FGF13: variants seen among roughly 807,000 people sequenced by gnomAD.
The protein encoded by FGF13 is fibroblast growth factor 13, also known as fibroblast growth factor homologous factor 2.
A neutral mutation model predicts 19.5 loss-of-function variants in FGF13; 2 were observed. The observed-to-expected ratio is 0.10, with a 90% CI of 0.04 to 0.32. The LOEUF (loss-of-function observed/expected upper bound fraction) is 0.32, where lower values mean the gene tolerates loss of function less well. Ranked by LOEUF, FGF13 falls within the 10% of genes least tolerant of loss-of-function variation. FGF13 has a pLI of 1.00. For missense variants in FGF13, 113 were observed against 192.7 expected, an observed-to-expected ratio of 0.59 and a Z score of 2.45; for synonymous variants, 72 against 76.9, an observed-to-expected ratio of 0.94 and a Z score of 0.33.
intron 1 of FGF13, among the ~76,000 whole-genome samples, chrX:139,182,041 A>G (rs1213470753): frequency 1.2e-5 from 1 of 81,835 alleles, no homozygotes; most frequent in African/African-American, 5.2e-5. Flanking sequence ...AATCTTCATA[A>G]TAAGAACTTA....
intron 1 of FGF13, among the ~76,000 whole-genome samples, chrX:138,981,663 G>A (rs1292980888): frequency 9.0e-6 from 1 of 110,581 alleles, no homozygotes; most frequent in African/African-American, 3.3e-5. Flanking sequence ...AGTTCACAGA[G>A]AGGTAAAAAT....
Position 139,095,095 on chromosome X carries a change from G to A in FGF13, c.-113+108321C>T, listed in dbSNP as rs181553053. On this transcript the variant is annotated intron_variant, in intron 1 of 2. Transcript: ENST00000421460. Reference sequence around the variant, plus strand: ...TTTGTTCCCAGCTTCCTTTCAGATAGTTGTCTGCCTCTTCTTTAATTGAGG... The same window carrying A: ...TTTGTTCCCAGCTTCCTTTCAGATAATTGTCTGCCTCTTCTTTAATTGAGG... 3.9e-4 allele frequency among the ~76,000 whole-genome samples: 44 copies of A among 112,452 alleles called. No individual in the cohort carries two copies. The East Asian group carries it at 0.011, about 29-fold the overall frequency.
intron 1 of FGF13, among the ~76,000 whole-genome samples, chrX:138,974,966 A>C (rs1160300155): frequency 8.9e-6 from 1 of 112,260 alleles, no homozygotes; most frequent in Admixed American, 9.4e-5. Context: ...GAGGATTTCA[A>C]TTTCTTTTGT....
chrX:138,650,276 T>G (rs902798181), intron 3 of FGF13, among the ~76,000 whole-genome samples: 4 of 112,393 alleles, frequency 3.6e-5, no homozygotes, highest in Non-Finnish European at 7.5e-5. Context: ...GGTAAATTCA[T>G]GTTATAGTTA....
intron 1 of FGF13, among the ~76,000 whole-genome samples, chrX:139,172,369 A>C (rs5976297): frequency 9.7e-4 from 108 of 111,631 alleles, no homozygotes; most frequent in African/African-American, 3.2e-3. Flanking sequence ...CCCTGCCAAC[A>C]GCCTTGTTTC....
At position 138,958,748 on chromosome X, in the gene FGF13, G is replaced by A. The variant is rs1255305489; in HGVS notation, c.-112-94098C>T. ...TTCAACTTCTTCCTGGTTTAGTCTT[G>A]GGAGGGTGTATGTGTCCAGGAATTT... On this transcript the variant is annotated intron_variant, in intron 1 of 2. Transcript: ENST00000421460. 7.2e-5 allele frequency among the ~76,000 whole-genome samples: 8 copies of A among 111,461 alleles called. No individual in the cohort carries two copies. The East Asian group carries it at 1.1e-3, about 16-fold the overall frequency.
chrX:138,960,721 T>G (rs1419828493), intron 1 of FGF13, among the ~76,000 whole-genome samples: 1 of 111,816 alleles, frequency 8.9e-6, no homozygotes, highest in African/African-American at 3.3e-5. Context: ...TTACTCTTTT[T>G]TCTCTAAACT....
At chrX:139,162,817 A>T (rs1359741845) in intron 1 of FGF13, among the ~76,000 whole-genome samples, 2 of 112,664 alleles carry the variant, frequency 1.8e-5, no homozygotes, top group Non-Finnish European at 3.8e-5. Context: ...GTCATTGGAG[A>T]AATGCAAATC....
At chrX:138,952,583 T>A (rs1397990153) in intron 1 of FGF13, among the ~76,000 whole-genome samples, 2 of 111,243 alleles carry the variant, frequency 1.8e-5, no homozygotes, top group African/African-American at 3.3e-5. Context: ...AAATGGGATC[T>A]AATTAAACTA....
At chrX:138,955,774 G>T (rs2124295530) in intron 1 of FGF13, among the ~76,000 whole-genome samples, 1 of 112,167 alleles carries the variant, frequency 8.9e-6, no homozygotes, top group Non-Finnish European at 1.9e-5. Flanking sequence ...TCCACCCAAA[G>T]AAACATCAGT....
chrX:139,122,274 A>G (rs767765592), intron 1 of FGF13, among the ~76,000 whole-genome samples: 1 of 111,947 alleles, frequency 8.9e-6, no homozygotes, highest in Non-Finnish European at 1.9e-5. Flanking sequence ...TGGGGATGGT[A>G]ATCATGGTGT....
intron 1 of FGF13, among the ~76,000 whole-genome samples, chrX:138,913,292 G>A (rs188735477): frequency 0.024 from 2,165 of 90,707 alleles, 56 homozygotes; most frequent in African/African-American, 0.085. Flanking sequence ...TCAGCCTCCC[G>A]AGTAGCTGGG....
chrX:138,804,370 C>T (rs886577176), intron 3 of FGF13, among the ~76,000 whole-genome samples: 1 of 111,963 alleles, frequency 8.9e-6, no homozygotes, highest in African/African-American at 3.2e-5. Context: ...ACAGCTCTTC[C>T]TGCCACCATC....
At chrX:138,831,849 T>C (rs1025228362) in intron 3 of FGF13, among the ~76,000 whole-genome samples, 1 of 111,247 alleles carries the variant, frequency 9.0e-6, no homozygotes, top group African/African-American at 3.3e-5. Context: ...CCTTCTGAAA[T>C]GCGCCAGTAT....
chrX:138,952,763 C>T (rs753870623), intron 1 of FGF13, among the ~76,000 whole-genome samples: 34 of 111,306 alleles, frequency 3.1e-4, no homozygotes, highest in African/African-American at 9.2e-4. Context: ...AACAAGTGGG[C>T]GAAGGATATG....
chrX:138,685,742 A>T (rs17538900), intron 3 of FGF13, among the ~76,000 whole-genome samples: 1,705 of 111,560 alleles, frequency 0.015, 28 homozygotes, highest in African/African-American at 0.051. Flanking sequence ...GAAGCAATTT[A>T]AATGGAAACT....
chrX:138,782,110 C>G (rs1218364093), intron 3 of FGF13, among the ~76,000 whole-genome samples: 7 of 111,622 alleles, frequency 6.3e-5, no homozygotes, highest in Non-Finnish European at 1.1e-4. Context: ...ATTCAACAAC[C>G]CTTCATGCTA....
At chrX:139,115,870 C>G (rs912885353) in intron 1 of FGF13, among the ~76,000 whole-genome samples, 1 of 112,566 alleles carries the variant, frequency 8.9e-6, no homozygotes, top group African/African-American at 3.2e-5. Flanking sequence ...TAGCATGTGC[C>G]TGGCACATAA....
At chrX:138,728,537 T>G (rs1222139181) in intron 1 of FGF13, among the ~76,000 whole-genome samples, 1 of 111,155 alleles carries the variant, frequency 9.0e-6, no homozygotes, top group Non-Finnish European at 1.9e-5. Context: ...GTCTAATATA[T>G]GCTAGTAAAC....
Sources: allele counts gnomAD v4.1 joint callset (sites outside exome capture counted in the v4.1 genomes callset), GRCh38; gene constraint gnomAD v4.1.1; transcripts MANE v1.5; gene names NCBI Gene and HGNC (gene_info 2026-07-23, HGNC 2026-07-21).